The following MAGI2 variants were observed in gnomAD, a reference collection of about 807,000 sequenced individuals.
MAGI2 encodes membrane associated guanylate kinase, WW and PDZ domain containing 2.
A neutral mutation model predicts 133.3 loss-of-function variants in MAGI2; 35 were observed. That is an observed-to-expected ratio of 0.26 (90% CI 0.20 to 0.35). The LOEUF (loss-of-function observed/expected upper bound fraction) is 0.35, where lower values mean the gene tolerates loss of function less well. Among genes scored for constraint, MAGI2 ranks in the 10% least tolerant of loss-of-function variants. The pLI, the probability that MAGI2 is intolerant of heterozygous loss-of-function variation, is 1.00. For missense variants in MAGI2, 1,636 were observed against 1,863.4 expected (o/e 0.88, Z 2.25); for synonymous variants, 729 against 710.6 (o/e 1.03, Z -0.41).
chr7:79,272,951 A>G (rs1329543300), intron 1 of MAGI2, among the ~76,000 whole-genome samples: 1 of 152,134 alleles, frequency 6.6e-6, no homozygotes, highest in African/African-American at 2.4e-5. Flanking sequence ...CAGTAGCACT[A>G]ACTCTAGCCT....
chr7:78,700,151 A>G (rs761186931), intron 2 of MAGI2, among the ~76,000 whole-genome samples: 10 of 152,186 alleles, frequency 6.6e-5, no homozygotes, highest in Non-Finnish European at 1.0e-4. Flanking sequence ...TTTGCTATGT[A>G]ATGAGGTTGA....
chr7:78,989,229 A>G (rs578069919), intron 2 of MAGI2, among the ~76,000 whole-genome samples: 1 of 152,134 alleles, frequency 6.6e-6, no homozygotes, highest in Admixed American at 6.6e-5. Flanking sequence ...CATTACCCCA[A>G]AGAATTGGCT....
chr7:78,835,386 T>G (rs1335551521), intron 2 of MAGI2, among the ~76,000 whole-genome samples: 2 of 152,212 alleles, frequency 1.3e-5, no homozygotes, highest in Non-Finnish European at 2.9e-5. Flanking sequence ...TAGCATGTAA[T>G]ATGTGAATAT....
At chr7:78,227,435 G>C (rs941881131) in intron 10 of MAGI2, among the ~76,000 whole-genome samples, 5 of 152,092 alleles carry the variant, frequency 3.3e-5, no homozygotes, top group African/African-American at 1.2e-4. Flanking sequence ...TTCTCTAACT[G>C]GACCTAGTCC....
At chr7:78,500,364 A>G (rs775593126) in intron 5 of MAGI2, among the ~76,000 whole-genome samples, 10 of 152,172 alleles carry the variant, frequency 6.6e-5, no homozygotes, top group Non-Finnish European at 1.3e-4. Flanking sequence ...AAAAACTTCA[A>G]TTTCTATTAT....
intron 1 of MAGI2, among the ~76,000 whole-genome samples, chr7:79,085,541 A>AT (rs1411860124): frequency 1.3e-5 from 2 of 151,788 alleles, no homozygotes; most frequent in East Asian, 3.9e-4. Context: ...ATGCTTTCCT[A>AT]TTTTTTTGCA....
At chr7:78,296,615 AT>A (rs888526768) in intron 9 of MAGI2, among the ~76,000 whole-genome samples, 1 of 152,088 alleles carries the variant, frequency 6.6e-6, no homozygotes, top group Non-Finnish European at 1.5e-5. Context: ...ACAGATAAAT[AT>A]TTTTTTCGGT....
At chr7:79,028,273 G>GTATATATATATATATATATATATA (rs1562805388) in intron 1 of MAGI2, among the ~76,000 whole-genome samples, 3 of 20,686 alleles carry the variant, frequency 1.5e-4, no homozygotes, top group African/African-American at 3.7e-4. Flanking sequence ...ATATATGTAT[G>GTATATATATATATATATATATATA]TATGTATATA....
At chr7:78,164,503 C>T (rs541586080) in intron 15 of MAGI2, among the ~76,000 whole-genome samples, 1 of 150,484 alleles carries the variant, frequency 6.6e-6, no homozygotes, top group East Asian at 2.0e-4. Context: ...CCAGTTTATA[C>T]TCATCAAGGC....
At chr7:78,533,638 G>A (rs1190831108) in intron 3 of MAGI2, among the ~76,000 whole-genome samples, 1 of 152,170 alleles carries the variant, frequency 6.6e-6, no homozygotes, top group African/African-American at 2.4e-5. Flanking sequence ...AGTTCGAGTT[G>A]AGATGTGCTG....
chr7:78,807,800 T>C (rs1419375980), intron 2 of MAGI2, among the ~76,000 whole-genome samples: 1 of 151,914 alleles, frequency 6.6e-6, no homozygotes, highest in East Asian at 1.9e-4. Context: ...ATGGTAATAA[T>C]AGCTAACCTT....
At chr7:79,225,903 A>T (rs1830811524) in intron 1 of MAGI2, among the ~76,000 whole-genome samples, 1 of 152,156 alleles carries the variant, frequency 6.6e-6, no homozygotes, top group South Asian at 2.1e-4. Context: ...AGCTGTTGGG[A>T]AAATAGTTAT....
chr7:79,083,570 T>C (rs1816239144), intron 1 of MAGI2, among the ~76,000 whole-genome samples: 3 of 151,808 alleles, frequency 2.0e-5, no homozygotes, highest in Admixed American at 2.0e-4. Context: ...TGGGATTAAA[T>C]TTGCTAGTAT....
intron 2 of MAGI2, among the ~76,000 whole-genome samples, chr7:78,993,954 T>A (rs545919020): frequency 6.6e-6 from 1 of 152,212 alleles, no homozygotes; most frequent in Admixed American, 6.6e-5. Flanking sequence ...ACTCTGCATA[T>A]TAACCTGAAT....
rs556078103 is a variant in MAGI2, at chr7:79,141,138, C to G, written c.302-133932G>C. ...TTTCTTCTAGGCAAGCTATTTTCTC[C>G]TCATGACCCCAGTATCTGCCGCTCT... is the stretch of plus-strand genomic sequence containing the variant. On this transcript the variant is annotated intron_variant, in intron 1 of 21. Transcript: ENST00000354212. 2.0e-5 allele frequency among the ~76,000 whole-genome samples: 3 copies of G among 152,268 alleles called. No individual in the cohort carries two copies. In the South Asian group the frequency reaches 6.2e-4, roughly 32 times the overall value.
At chr7:78,746,444 A>G (rs1369250662) in intron 2 of MAGI2, among the ~76,000 whole-genome samples, 1 of 152,202 alleles carries the variant, frequency 6.6e-6, no homozygotes, top group Non-Finnish European at 1.5e-5. Context: ...GCTCAGTTAC[A>G]GGAGCTTATA....
rs183236107 is a variant in MAGI2, at chr7:78,531,448, G to A, written c.539-9803C>T. On this transcript the variant is annotated intron_variant, in intron 3 of 21. Coordinates refer to ENST00000354212, the MANE Select transcript of MAGI2 (RefSeq NM_012301.4). Reference sequence around the variant, plus strand: ...AGGATGGTCTCGATCTCTTGACCTCGTGATCTGCCTGCTTTGGACTCCCAA... The same window carrying A: ...AGGATGGTCTCGATCTCTTGACCTCATGATCTGCCTGCTTTGGACTCCCAA... Among the ~76,000 whole-genome samples the A allele has an allele frequency of 1.6e-3, 246 of 152,156 alleles. 2 individuals are homozygous for A. The highest frequency in any genetic ancestry group is 5.6e-3 in the African/African-American group (233 of 41,522).
At chr7:78,407,430 C>G (rs1000084511) in intron 6 of MAGI2, among the ~76,000 whole-genome samples, 1 of 151,824 alleles carries the variant, frequency 6.6e-6, no homozygotes, top group African/African-American at 2.4e-5. Context: ...TTTATCTTCC[C>G]AAATCCAAGT....
intron 2 of MAGI2, among the ~76,000 whole-genome samples, chr7:78,710,404 A>G (rs1819068505): frequency 6.6e-6 from 1 of 152,176 alleles, no homozygotes; most frequent in African/African-American, 2.4e-5. Flanking sequence ...GGGTGTAGGT[A>G]ATGGATACCA....
Sources: allele counts gnomAD v4.1 joint callset (sites outside exome capture counted in the v4.1 genomes callset), GRCh38; gene constraint gnomAD v4.1.1; transcripts MANE v1.5; gene names NCBI Gene and HGNC (gene_info 2026-07-23, HGNC 2026-07-21).